The following UGT1A8 variants were observed in gnomAD, a reference collection of about 807,000 sequenced individuals.
UGT1A8 encodes UDP glucuronosyltransferase family 1 member A8.
Under a neutral mutation model 45.3 loss-of-function variants are expected in UGT1A8, and 39 were observed. The ratio of observed to expected loss-of-function variants is 0.86; its 90% confidence interval spans 0.67 to 1.12. The LOEUF is 1.12. Among genes scored for constraint, UGT1A8 ranks in the 50% most tolerant of loss-of-function variants. The pLI is 0.00. For missense variants in UGT1A8, 719 were observed against 664.9 expected, an observed-to-expected ratio of 1.08 and a Z score of -0.90; for synonymous variants, 275 against 249.2, an observed-to-expected ratio of 1.10 and a Z score of -0.97.
chr2:233,724,455 C>T lies in UGT1A8; in HGVS notation c.856-42579C>T, dbSNP rs528357739. The stretch of plus-strand genomic sequence containing the variant: ...CTCACTTCTCAGACAGGGCAGCTGC[C>T]GGGCGGAGGGGCTCCTCACTTCTCA... On this transcript the variant is annotated intron_variant, in intron 1 of 4. Transcript: ENST00000373450. Among the ~76,000 whole-genome samples, 1,260 of 127,892 alleles carry T rather than the reference C, an allele frequency of 9.9e-3. 63 individuals carry two copies. The highest frequency in any genetic ancestry group is 0.036 in the African/African-American group (1,175 of 32,784). 83.9% of individuals were successfully genotyped at this position (127,892 alleles called of 152,430 possible).
chr2:233,661,763 C>T (rs1471942267), intron 1 of UGT1A8, among the ~76,000 whole-genome samples: 7 of 149,258 alleles, frequency 4.7e-5, no homozygotes, highest in Non-Finnish European at 7.4e-5. Context: ...ACCTATGGTA[C>T]ATATCAAGCA....
chr2:233,661,623 T>TTTTCTTCCTTTC (rs1553602623), intron 1 of UGT1A8, among the ~76,000 whole-genome samples: 2 of 123,952 alleles, frequency 1.6e-5, no homozygotes, highest in African/African-American at 6.4e-5. Context: ...ACTTACTGAA[T>TTTTCTTCCTTTC]TTTCTTTCTT....
chr2:233,729,609 G>A (rs745477342), intron 1 of UGT1A8: 1 of 1,613,988 alleles, frequency 6.2e-7, no homozygotes, highest in South Asian at 1.1e-5. Context: ...CGGCAGTGCT[G>A]GCTAAGTACC....
intron 1 of UGT1A8, chr2:233,637,387 C>T (rs1312213454): frequency 2.7e-5 from 43 of 1,609,526 alleles, no homozygotes; most frequent in Non-Finnish European, 3.5e-5. Context: ...GGTAAGTCAC[C>T]TCTCCTTTAG....
chr2:233,633,070 T>A (rs552859810), intron 1 of UGT1A8, among the ~76,000 whole-genome samples: 7 of 152,306 alleles, frequency 4.6e-5, no homozygotes, highest in African/African-American at 1.4e-4. Flanking sequence ...GATGTAATCA[T>A]GTGGTTTTTG....
At chr2:233,638,716 A>G (rs1157746545) in intron 1 of UGT1A8, among the ~76,000 whole-genome samples, 1 of 152,164 alleles carries the variant, frequency 6.6e-6, no homozygotes, top group African/African-American at 2.4e-5. Context: ...GGTTTCTTAC[A>G]AGATTCAGTA....
intron 1 of UGT1A8, chr2:233,743,495 A>G (rs1016583348): frequency 7.3e-7 from 1 of 1,367,212 alleles, no homozygotes; most frequent in Non-Finnish European, 9.8e-7. Flanking sequence ...AAGGCAGAGA[A>G]AAGGGGTGCA....
chr2:233,636,626 G>T (rs1382076125), intron 1 of UGT1A8: 2 of 1,614,144 alleles, frequency 1.2e-6, no homozygotes, highest in Non-Finnish European at 1.7e-6. Context: ...CCCATGGATG[G>T]GAGTCACTGG....
intron 1 of UGT1A8, among the ~76,000 whole-genome samples, chr2:233,766,023 T>C (rs1365175031): frequency 6.6e-6 from 1 of 152,110 alleles, no homozygotes; most frequent in Non-Finnish European, 1.5e-5. Context: ...TTCTTTTAGT[T>C]TTGCCCTCTA....
intron 1 of UGT1A8, among the ~76,000 whole-genome samples, chr2:233,703,207 A>G (rs552243315): frequency 1.3e-5 from 2 of 152,128 alleles, no homozygotes; most frequent in South Asian, 4.1e-4. Context: ...TGTCAATTTT[A>G]TCTAAGTTAT....
At chr2:233,682,408 T>C (rs1193999932) in intron 1 of UGT1A8, 1 of 1,613,868 alleles carries the variant, frequency 6.2e-7, no homozygotes, top group African/African-American at 1.3e-5. Context: ...GCTTAATTGT[T>C]GCCAAATATT....
intron 1 of UGT1A8, chr2:233,755,212 T>G (rs1192331400): frequency 1.0e-5 from 11 of 1,054,576 alleles, no homozygotes; most frequent in Admixed American, 3.8e-5. Context: ...TACGCCTTCT[T>G]GATACCCTCG....
chr2:233,755,356 C>A (rs1290050168), intron 1 of UGT1A8: 4 of 377,426 alleles, frequency 1.1e-5, no homozygotes, highest in Admixed American at 3.8e-5. Flanking sequence ...GCTTGGCGAC[C>A]TGGGCCGCCT....
intron 1 of UGT1A8, among the ~76,000 whole-genome samples, chr2:233,661,783 T>C (rs2073976796): frequency 6.6e-6 from 1 of 151,718 alleles, no homozygotes; most frequent in African/African-American, 2.4e-5. Context: ...AATTCAACTT[T>C]TCTTGTAATA....
At chr2:233,729,650 A>G in intron 1 of UGT1A8, 2 of 1,613,870 alleles carry the variant, frequency 1.2e-6, no homozygotes, top group Non-Finnish European at 1.7e-6. Context: ...TTTTTGAGGA[A>G]CATTCCATGT....
intron 1 of UGT1A8, among the ~76,000 whole-genome samples, chr2:233,723,515 T>A (rs1475684057): frequency 9.4e-6 from 1 of 106,756 alleles, no homozygotes; most frequent in Admixed American, 9.1e-5. Flanking sequence ...TGGTCAACAA[T>A]CTTTTTTTTT....
chr2:233,623,462 T>G (rs914803267), intron 1 of UGT1A8, among the ~76,000 whole-genome samples: 4 of 152,174 alleles, frequency 2.6e-5, no homozygotes, highest in African/African-American at 9.7e-5. Flanking sequence ...GTTGGATTCC[T>G]AGGTGTTTTA....
rs1236421933 is a variant in UGT1A8, at chr2:233,745,346, T to TG, written c.856-21683dup. 2.2e-4 allele frequency among the ~76,000 whole-genome samples: 34 copies of TG among 151,966 alleles called. 1 individual carries two copies. The highest frequency in any genetic ancestry group is 8.2e-4 in the African/African-American group (34 of 41,256). ...ACTGCTATATCATGACCATGAATTT[T>TG]GGGGGAATTTTTTTGAGATCTGAGT... is the stretch of plus-strand genomic sequence containing the variant. On this transcript the variant is annotated intron_variant, in intron 1 of 4. Coordinates refer to ENST00000373450, the MANE Select transcript of UGT1A8 (RefSeq NM_019076.5).
intron 1 of UGT1A8, among the ~76,000 whole-genome samples, chr2:233,628,706 C>T (rs1298227558): frequency 1.3e-5 from 2 of 152,088 alleles, no homozygotes; most frequent in Non-Finnish European, 2.9e-5. Context: ...AGGAGTGGAG[C>T]ATTCAGTCTT....
Sources: gnomAD v4.1 joint callset for allele counts (sites outside exome capture counted in the v4.1 genomes callset) on GRCh38, gnomAD v4.1.1 for gene constraint, MANE v1.5 for transcripts, NCBI Gene and HGNC (gene_info 2026-07-23, HGNC 2026-07-21) for gene names.